Variants in COL13A1 observed in about 807,000 individuals in gnomAD.
The protein encoded by COL13A1 is collagen alpha-1(XIII) chain.
Under a neutral mutation model 130.9 loss-of-function variants are expected in COL13A1, and 89 were observed. That is an observed-to-expected ratio of 0.68 (90% CI 0.57 to 0.81). COL13A1 has a LOEUF of 0.81. Among genes scored for constraint, COL13A1 ranks in the 30% least tolerant of loss-of-function variants. The pLI is 0.00. For synonymous variants in COL13A1, 402 were observed against 341.6 expected (o/e 1.18, Z -1.95); for missense variants, 879 against 934.6 (o/e 0.94, Z 0.78).
chr10:69,912,003 C>T (rs1042138159), intron 17 of COL13A1, among the ~76,000 whole-genome samples: 2 of 152,302 alleles, frequency 1.3e-5, no homozygotes, highest in East Asian at 1.9e-4. Context: ...GATGCAGGAG[C>T]CTGCTAGTGC....
At chr10:69,839,763 T>C (rs553716229) in intron 2 of COL13A1, among the ~76,000 whole-genome samples, 1 of 152,108 alleles carries the variant, frequency 6.6e-6, no homozygotes, top group South Asian at 2.1e-4. Flanking sequence ...AAGGTCAGAG[T>C]GTGGCCAGGT....
At chr10:69,936,605 A>G (rs2066953982) in intron 32 of COL13A1, 151 bp from the exon 33 acceptor site, 5 of 765,764 alleles carry the variant, frequency 6.5e-6, no homozygotes, top group Non-Finnish European at 1.0e-5. Context: ...CATGACCCCC[A>G]CTTAGCATTT....
chr10:69,940,344 G>C (rs372249900), intron 34 of COL13A1, among the ~76,000 whole-genome samples: 11 of 152,314 alleles, frequency 7.2e-5, no homozygotes, highest in African/African-American at 2.2e-4. Context: ...TCGAGTTTAG[G>C]TTGAGCATCT....
intron 6 of COL13A1, 74 bp downstream of exon 6, chr10:69,878,139 A>T: frequency 1.4e-6 from 1 of 695,712 alleles, no homozygotes; most frequent in East Asian, 2.7e-5. Context: ...GGAGGCTCTC[A>T]GCCCTCCCCC....
chr10:69,880,547 C>T lies in COL13A1; in HGVS notation c.507C>T (p.Gly169=), dbSNP rs539145825. The T allele has an allele frequency of 1.2e-6, 2 of 1,613,210 alleles. No individual in the cohort carries two copies. Among genetic ancestry groups the T allele is most frequent in the Non-Finnish European group, 1.7e-6 (2 of 1,179,644 alleles). Residue 169 remains glycine (G), a synonymous_variant, in exon 7 of 41, where the codon GGC becomes GGT. Coordinates refer to ENST00000645393, the MANE Select transcript of COL13A1 (RefSeq NM_001368882.1). The part of the protein sequence containing the change: ...DAGLSIIGPR[G]PPGQPGTRGF... ...GGCTGTCCATCATTGGTCCCCGCGG[C>T]CCCCCTGTAAGTTGTTTTTGCTCTT... is the stretch of plus-strand genomic sequence containing the variant.
chr10:69,907,825 C>T (rs1222188540), intron 17 of COL13A1, among the ~76,000 whole-genome samples: 4 of 152,228 alleles, frequency 2.6e-5, no homozygotes, highest in East Asian at 1.9e-4. Flanking sequence ...ATAACTAACC[C>T]GTGATAACTA....
Position 69,930,210 on chromosome 10 carries a change from TGG to T in COL13A1, c.1530+131_1530+132del, listed in dbSNP as rs59283631. The T allele has an allele frequency of 4.5e-3, 4,475 of 991,894 alleles. 62 individuals are homozygous for T. The highest frequency in any genetic ancestry group is 0.024 in the South Asian group (1,452 of 61,616). The allele number at this position is 991,894 out of a possible 1,614,324, so 61.4% of individuals were successfully genotyped here. On this transcript the variant is annotated intron_variant, in intron 29 of 40. Transcript: ENST00000645393. ...GCCCAGTGGGCAAGGGAAGGGGAGA[TGG>T]GGGGGGGCAGGGAGAGGGGCCCACC...
At chr10:69,945,838 C>T (rs920294772) in intron 37 of COL13A1, 114 bp downstream of exon 37, 24 of 1,301,850 alleles carry the variant, frequency 1.8e-5, no homozygotes, top group African/African-American at 1.8e-4. Context: ...TTTGGGAGGC[C>T]GAGGCGGGCG....
intron 19 of COL13A1, 126 bp from the exon 20 acceptor site, chr10:69,918,935 CG>C (rs2064270155): frequency 4.7e-6 from 5 of 1,073,726 alleles, no homozygotes; most frequent in Non-Finnish European, 5.7e-6. Flanking sequence ...AGAGAAGAGC[CG>C]GGGCTGGCCA....
At chr10:69,825,277 A>G (rs1424064122) in intron 2 of COL13A1, among the ~76,000 whole-genome samples, 2 of 152,218 alleles carry the variant, frequency 1.3e-5, no homozygotes, top group African/African-American at 4.8e-5. Flanking sequence ...TTGCCCTTAC[A>G]TCATGCATTT....
chr10:69,944,903 G>A (rs966563895), intron 36 of COL13A1, among the ~76,000 whole-genome samples: 1 of 152,188 alleles, frequency 6.6e-6, no homozygotes, highest in African/African-American at 2.4e-5. Flanking sequence ...AATTCCTCGA[G>A]GACAGCAGGA....
chr10:69,805,262 A>G (rs1189468030), intron 1 of COL13A1, among the ~76,000 whole-genome samples: 1 of 152,174 alleles, frequency 6.6e-6, no homozygotes, highest in Non-Finnish European at 1.5e-5. Flanking sequence ...GCAAAGCAGT[A>G]AGGCCAAAAA....
At chr10:69,865,587 T>C (rs2058443181) in intron 2 of COL13A1, among the ~76,000 whole-genome samples, 1 of 152,240 alleles carries the variant, frequency 6.6e-6, no homozygotes, top group Non-Finnish European at 1.5e-5. Context: ...CTTCCCCTTC[T>C]ATGGCACAGC....
intron 5 of COL13A1, chr10:69,877,697 TCTCACACACACACACA>T (rs1196316285): frequency 1.1e-3 from 108 of 99,884 alleles, no homozygotes; most frequent in Admixed American, 6.0e-3. Context: ...TCTCTCTCTC[TCTCACACACACACACA>T]CACACACACA....
intron 6 of COL13A1, 94 bp downstream of exon 6, chr10:69,878,159 C>T (rs2059792582): frequency 1.5e-6 from 1 of 687,886 alleles, no homozygotes; most frequent in Admixed American, 2.0e-5. Flanking sequence ...CCCATGAAAG[C>T]CGCAGCAGAG....
chr10:69,899,126 C>T (rs182802160), intron 14 of COL13A1, among the ~76,000 whole-genome samples: 31 of 152,308 alleles, frequency 2.0e-4, no homozygotes, highest in Non-Finnish European at 4.1e-4. Flanking sequence ...AACCAAGTTG[C>T]CAAGGTCACA....
intron 2 of COL13A1, among the ~76,000 whole-genome samples, chr10:69,857,827 C>T (rs757260684): frequency 1.1e-4 from 16 of 152,138 alleles, no homozygotes; most frequent in Non-Finnish European, 1.5e-4. Context: ...TTAAGACTGG[C>T]GCCTGGTTGG....
chr10:69,878,264 G>A (rs931661677), intron 6 of COL13A1, among the ~76,000 whole-genome samples, 199 bp downstream of exon 6: 2 of 152,152 alleles, frequency 1.3e-5, no homozygotes, highest in Non-Finnish European at 2.9e-5. Flanking sequence ...ATTCCTGGGC[G>A]GCGGTCCCAG....
Position 69,947,291 on chromosome 10 carries a change from C to G in COL13A1, c.2023-16C>G. 6.2e-7 allele frequency: 1 copy of G among 1,613,348 alleles called. No individual in the cohort carries two copies. The highest frequency in any genetic ancestry group is 1.1e-5 in the South Asian group (1 of 90,928). On this transcript the variant is annotated splice_polypyrimidine_tract_variant and intron_variant, in intron 37 of 40. Transcript: ENST00000645393. ...TGTCCTCATTAACATGCCTTTCTTC[C>G]TCTGATCTCTTGCAGGGTTTACATG...
Sources: allele counts gnomAD v4.1 joint callset (sites outside exome capture counted in the v4.1 genomes callset), GRCh38; gene constraint gnomAD v4.1.1; transcripts MANE v1.5; gene names NCBI Gene and HGNC (gene_info 2026-07-23, HGNC 2026-07-21).